The following EXOC4 variants were observed in gnomAD, a reference collection of about 807,000 sequenced individuals.
EXOC4 encodes exocyst complex component 4.
A neutral mutation model predicts 107.2 loss-of-function variants in EXOC4; 71 were observed. The ratio of observed to expected loss-of-function variants is 0.66; its 90% CI spans 0.55 to 0.81. The LOEUF (loss-of-function observed/expected upper bound fraction) is 0.81. EXOC4 is among the 30% of genes least tolerant of loss of function. EXOC4 has a pLI of 0.00. For missense variants in EXOC4, 1,108 were observed against 1,189.6 expected (o/e 0.93, Z 1.01); for synonymous variants, 456 against 441.2 (o/e 1.03, Z -0.42).
intron 11 of EXOC4, among the ~76,000 whole-genome samples, chr7:133,867,333 G>A (rs1798661520): frequency 6.6e-6 from 1 of 152,186 alleles, no homozygotes; most frequent in African/African-American, 2.4e-5. Context: ...ATATTACTAT[G>A]AACACTTTTA....
intron 9 of EXOC4, among the ~76,000 whole-genome samples, chr7:133,502,351 A>G (rs1483087245): frequency 6.6e-6 from 1 of 152,152 alleles, no homozygotes; most frequent in Admixed American, 6.6e-5. Flanking sequence ...ATGTTTTAGA[A>G]GCACAGCAAT....
intron 12 of EXOC4, 142 bp from the exon 13 acceptor site, chr7:133,917,441 A>G (rs755813571): frequency 6.3e-5 from 46 of 732,158 alleles, no homozygotes; most frequent in Non-Finnish European, 9.7e-5. Flanking sequence ...AATGGGTATC[A>G]TGGACTCCAA....
chr7:134,045,435 C>T (rs537986403), intron 17 of EXOC4, among the ~76,000 whole-genome samples: 14 of 152,168 alleles, frequency 9.2e-5, no homozygotes, highest in African/African-American at 3.1e-4. Context: ...AAGATGTTGC[C>T]ATATCTGTCA....
chr7:133,829,387 G>T (rs1797764509), intron 11 of EXOC4, among the ~76,000 whole-genome samples: 2 of 152,174 alleles, frequency 1.3e-5, no homozygotes, highest in South Asian at 4.1e-4. Flanking sequence ...GGATTAGGAG[G>T]CAGAGAGCCT....
chr7:134,090,419 A>G, the EXOC4 span, among the ~76,000 whole-genome samples: 1 of 152,200 alleles, frequency 6.6e-6, no homozygotes, highest in Non-Finnish European at 1.5e-5. Context: ...ACCCCTCTTT[A>G]TGACAGAACA....
At chr7:134,008,086 T>C (rs1391606520) in intron 17 of EXOC4, 1 of 396,932 alleles carries the variant, frequency 2.5e-6, no homozygotes, top group East Asian at 4.4e-5. Context: ...TGAATAACTC[T>C]TTTTTTCTGC....
intron 6 of EXOC4, among the ~76,000 whole-genome samples, chr7:133,362,132 G>T (rs1369007445): frequency 6.6e-6 from 1 of 151,872 alleles, no homozygotes; most frequent in East Asian, 1.9e-4. Context: ...TTTTTATGAG[G>T]GTATATTTAT....
intron 10 of EXOC4, among the ~76,000 whole-genome samples, chr7:133,733,991 C>A (rs1271269486): frequency 6.6e-6 from 1 of 152,170 alleles, no homozygotes; most frequent in Non-Finnish European, 1.5e-5. Flanking sequence ...CCTAAGTTAA[C>A]AACTTTTTAA....
At chr7:133,968,666 G>GC (rs1374719372) in intron 14 of EXOC4, among the ~76,000 whole-genome samples, 2 of 151,922 alleles carry the variant, frequency 1.3e-5, no homozygotes, top group African/African-American at 4.8e-5. Context: ...TTGAATATTG[G>GC]CCCCCACTCT....
chr7:133,783,285 G>T (rs1054300445), intron 10 of EXOC4, among the ~76,000 whole-genome samples: 1 of 152,108 alleles, frequency 6.6e-6, no homozygotes, highest in Non-Finnish European at 1.5e-5. Flanking sequence ...TTTCATTGTT[G>T]CCCGTGTTGC....
At chr7:133,287,980 C>T (rs1056825513) in intron 2 of EXOC4, among the ~76,000 whole-genome samples, 1 of 152,052 alleles carries the variant, frequency 6.6e-6, no homozygotes, top group Non-Finnish European at 1.5e-5. Context: ...GCGCATTTGC[C>T]AAAACTTACC....
intron 10 of EXOC4, among the ~76,000 whole-genome samples, chr7:133,717,343 G>A (rs939943686): frequency 6.6e-6 from 1 of 152,114 alleles, no homozygotes; most frequent in African/African-American, 2.4e-5. Context: ...CTAAAGAGTT[G>A]GTGTATTTCT....
chr7:133,619,447 G>T (rs1037256608), intron 9 of EXOC4, among the ~76,000 whole-genome samples: 2 of 152,116 alleles, frequency 1.3e-5, no homozygotes, highest in African/African-American at 4.8e-5. Context: ...CTCTTTTGTG[G>T]ACCCTTTCAC....
At chr7:133,787,006 A>G (rs141866155) in intron 10 of EXOC4, among the ~76,000 whole-genome samples, 7 of 152,352 alleles carry the variant, frequency 4.6e-5, no homozygotes, top group Admixed American at 1.3e-4. Flanking sequence ...AGTTGCAACT[A>G]TTCTTAAAGG....
chr7:134,026,549 A>T lies in EXOC4; in HGVS notation c.2687+18714A>T, dbSNP rs918436728. ...TAGATACTAGATAAACAAAAACGAG[A>T]TAATCCCTAAGCCCAATAGCAGTTT... On this transcript the variant is annotated intron_variant, in intron 17 of 17. Coordinates refer to ENST00000253861, the MANE Select transcript of EXOC4 (RefSeq NM_021807.4). Among the ~76,000 whole-genome samples the T allele has an allele frequency of 9.9e-5, 15 of 151,306 alleles. No individual in the cohort carries two copies. The South Asian group carries it at 1.1e-3, about 11-fold the overall frequency.
intron 9 of EXOC4, among the ~76,000 whole-genome samples, chr7:133,484,954 C>T (rs533062022): frequency 6.6e-6 from 1 of 151,680 alleles, no homozygotes; most frequent in South Asian, 2.1e-4. Context: ...GTGGCGGACA[C>T]CTGTAATCCC....
chr7:133,570,828 T>G (rs1325840207), intron 9 of EXOC4, among the ~76,000 whole-genome samples: 1 of 152,224 alleles, frequency 6.6e-6, no homozygotes, highest in African/African-American at 2.4e-5. Context: ...ATGCCAGTTC[T>G]TAGGCTGATG....
At chr7:133,404,885 TACACACACACACAC>T (rs68148382) in intron 7 of EXOC4, among the ~76,000 whole-genome samples, 2 of 94,184 alleles carry the variant, frequency 2.1e-5, no homozygotes, top group Admixed American at 2.5e-4. Flanking sequence ...CCCCCCCCAA[TACACACACACACAC>T]ACACGCACAC....
intron 5 of EXOC4, among the ~76,000 whole-genome samples, chr7:133,333,491 C>A (rs533544550): frequency 6.6e-6 from 1 of 151,976 alleles, no homozygotes; most frequent in African/African-American, 2.4e-5. Flanking sequence ...TCTAGTTGAA[C>A]ACATTGCTGC....
Sources: gnomAD v4.1 joint callset for allele counts (sites outside exome capture counted in the v4.1 genomes callset) on GRCh38, gnomAD v4.1.1 for gene constraint, MANE v1.5 for transcripts, NCBI Gene and HGNC (gene_info 2026-07-23, HGNC 2026-07-21) for gene names.